Variants in GXYLT2 observed in about 807,000 individuals in gnomAD.
GXYLT2 encodes glucoside xylosyltransferase 2.
In GXYLT2, 53 loss-of-function variants were observed where a neutral mutation model predicts 45.8. The observed-to-expected ratio is 1.16, with a 90% confidence interval of 0.93 to 1.46. The LOEUF is 1.46. Ranked by LOEUF, GXYLT2 falls within the 40% of genes most tolerant of loss-of-function variation. The pLI is 0.00. For synonymous variants in GXYLT2, 219 were observed against 214.2 expected, an observed-to-expected ratio of 1.02 and a Z score of -0.19; for missense variants, 551 against 544.4, an observed-to-expected ratio of 1.01 and a Z score of -0.12.
chr3:72,897,028 A>G (rs1709305244), intron 1 of GXYLT2, among the ~76,000 whole-genome samples: 1 of 152,132 alleles, frequency 6.6e-6, no homozygotes, highest in African/African-American at 2.4e-5. Context: ...AGTAATAATG[A>G]TGATGATAAC....
chr3:72,903,117 G>A (rs1451894505), intron 1 of GXYLT2, among the ~76,000 whole-genome samples: 2 of 152,208 alleles, frequency 1.3e-5, no homozygotes, highest in Non-Finnish European at 2.9e-5. Context: ...CACTGAAAAT[G>A]GAATAGCTTT....
intron 1 of GXYLT2, among the ~76,000 whole-genome samples, chr3:72,904,515 A>C (rs1308449213): frequency 6.6e-6 from 1 of 152,170 alleles, no homozygotes; most frequent in Non-Finnish European, 1.5e-5. Context: ...ACCTGTCACC[A>C]GACACTGTGA....
chr3:72,955,224 G>T lies in GXYLT2; in HGVS notation c.727G>T (p.Glu243Ter), dbSNP rs766618041. 8 of 1,614,048 alleles carry T rather than the reference G, an allele frequency of 5.0e-6. No individual in the cohort carries two copies. Among genetic ancestry groups the T allele is most frequent in the Non-Finnish European group, 6.8e-6 (8 of 1,179,898 alleles). ...NSTQLAAMAP[E>*]HEIPKIGWYS... is the part of the protein sequence containing the mutation. ...CACCCAGCTTGCAGCCATGGCCCCT[G>T]AGCACGAAATCCCCAAGATTGGCTG... The change falls in exon 4 of 7, where the codon GAG becomes TAG. Residue 243 changes from glutamate (E) to a stop codon, truncating the protein, a stop_gained. Coordinates refer to ENST00000389617, the MANE Select transcript of GXYLT2 (RefSeq NM_001080393.2). LOFTEE classifies it high-confidence loss of function.
chr3:72,949,806 C>A (rs1710486339), intron 3 of GXYLT2, among the ~76,000 whole-genome samples: 1 of 152,040 alleles, frequency 6.6e-6, no homozygotes. Context: ...AGCCACAGTG[C>A]CCGGCCTCAT....
Position 72,955,100 on chromosome 3 carries a change from G to T in GXYLT2, c.603G>T (p.Val201=). The change falls in exon 4 of 7, where the codon GTG becomes GTT. Residue 201 remains valine (V), a splice_region_variant and synonymous_variant. Coordinates refer to ENST00000389617, the MANE Select transcript of GXYLT2 (RefSeq NM_001080393.2). ...PCAAQRLFLP[V]ILKDVDSLLY... ...ACACCCACTCCTTACACACAAAGGT[G>T]ATTTTAAAGGATGTGGACTCACTTC... is the stretch of plus-strand genomic sequence containing the variant. 1 of 1,613,588 alleles carries T rather than the reference G, an allele frequency of 6.2e-7. No individual in the cohort carries two copies. The highest frequency in any genetic ancestry group is 8.5e-7 in the Non-Finnish European group (1 of 1,179,584).
At chr3:72,949,846 T>G (rs904491144) in intron 3 of GXYLT2, among the ~76,000 whole-genome samples, 2 of 152,096 alleles carry the variant, frequency 1.3e-5, no homozygotes, top group African/African-American at 4.8e-5. Context: ...CCATAGCCAG[T>G]TGCTGGTTAC....
At chr3:72,947,662 G>A (rs1004484339) in intron 3 of GXYLT2, among the ~76,000 whole-genome samples, 7 of 152,238 alleles carry the variant, frequency 4.6e-5, no homozygotes, top group Admixed American at 6.5e-5. Context: ...GTAGCCAAGT[G>A]TGGTGGTGGG....
chr3:72,916,600 C>T (rs905759947), intron 2 of GXYLT2, among the ~76,000 whole-genome samples: 7 of 152,012 alleles, frequency 4.6e-5, no homozygotes, highest in South Asian at 2.1e-4. Flanking sequence ...AGTGTAGTGG[C>T]GTGATCTCCA....
chr3:72,968,858 G>A (rs1040173281), intron 6 of GXYLT2, among the ~76,000 whole-genome samples: 9 of 152,260 alleles, frequency 5.9e-5, no homozygotes, highest in Non-Finnish European at 1.0e-4. Context: ...TCAGGAGATC[G>A]AGACTTTCCT....
chr3:72,962,611 G>C (rs2107149941), intron 5 of GXYLT2, among the ~76,000 whole-genome samples: 1 of 152,292 alleles, frequency 6.6e-6, no homozygotes, highest in South Asian at 2.1e-4. Context: ...ACTAGTTTTT[G>C]AGCACTATGT....
chr3:72,974,173 T>C (rs1010422972), intron 6 of GXYLT2, among the ~76,000 whole-genome samples: 2 of 152,206 alleles, frequency 1.3e-5, no homozygotes, highest in Non-Finnish European at 2.9e-5. Flanking sequence ...AATAAAACTT[T>C]GATACATGTG....
At chr3:72,946,875 G>A (rs1710422012) in intron 3 of GXYLT2, among the ~76,000 whole-genome samples, 1 of 152,072 alleles carries the variant, frequency 6.6e-6, no homozygotes, top group African/African-American at 2.4e-5. Flanking sequence ...CTAGGCCTCT[G>A]TGCAGTGGTG....
At chr3:72,908,308 T>G (rs568412895) in intron 1 of GXYLT2, 59 bp from the exon 2 acceptor site, 1 of 1,297,582 alleles carries the variant, frequency 7.7e-7, no homozygotes, top group African/African-American at 1.5e-5. Context: ...CGCCGGTTTT[T>G]TGTTGTTTTT....
At position 72,929,226 on chromosome 3, in the gene GXYLT2, AGG is replaced by A. The variant is rs1709978603; in HGVS notation, c.600+6892_600+6893del. 6 of 1,568,774 alleles carry A rather than the reference AGG, an allele frequency of 3.8e-6. No homozygotes were observed. In the East Asian group the frequency reaches 1.3e-4, roughly 35 times the overall value. On this transcript the variant is annotated intron_variant, in intron 3 of 6. Coordinates refer to ENST00000389617, the MANE Select transcript of GXYLT2 (RefSeq NM_001080393.2). ...AAATACTTTCTTCACCAATCTCATGAGGAGAGGGAACATGCCGAGAAACTGAT... is the reference window on the plus strand; with the variant it reads ...AAATACTTTCTTCACCAATCTCATGAAGAGGGAACATGCCGAGAAACTGAT...
At position 72,955,339 on chromosome 3, in the gene GXYLT2, C is replaced by T. The variant is rs751611796; in HGVS notation, c.842C>T (p.Thr281Ile). Residue 281 changes from threonine (T) to isoleucine (I), a missense_variant, in exon 4 of 7, where the codon ACC becomes ATC. By Grantham distance (89) the Thr-to-Ile change is moderately conservative. Transcript: ENST00000389617. ...MLMNLTRIRS[T>I]QFKNSMIPTG... The stretch of plus-strand genomic sequence containing the variant: ...ATGAATTTAACTCGGATAAGAAGTA[C>T]CCAGTTCAAGGTAAACGAGTGCTTT... 9 of 1,613,656 alleles carry T rather than the reference C, an allele frequency of 5.6e-6. No homozygotes were observed. The Admixed American group carries it at 1.3e-4, about 24-fold the overall frequency.
At chr3:72,939,477 A>G (rs746608497) in intron 3 of GXYLT2, among the ~76,000 whole-genome samples, 74 of 152,132 alleles carry the variant, frequency 4.9e-4, no homozygotes, top group Non-Finnish European at 7.3e-5. Flanking sequence ...GAAGCATTAT[A>G]TAGCAACATT....
intron 1 of GXYLT2, among the ~76,000 whole-genome samples, chr3:72,902,214 T>G (rs1709422581): frequency 6.6e-6 from 1 of 152,210 alleles, no homozygotes; most frequent in Admixed American, 6.5e-5. Context: ...AAGGAACTTC[T>G]GGGTCATATG....
chr3:72,920,794 A>G (rs1362562362), intron 2 of GXYLT2, among the ~76,000 whole-genome samples: 1 of 148,194 alleles, frequency 6.7e-6, no homozygotes, highest in East Asian at 1.9e-4. Flanking sequence ...TATAAAATGT[A>G]CATGCATATA....
intron 2 of GXYLT2, among the ~76,000 whole-genome samples, chr3:72,919,847 A>G (rs1559734463): frequency 1.3e-5 from 2 of 152,250 alleles, no homozygotes; most frequent in Admixed American, 1.3e-4. Flanking sequence ...TGTTCTGTAT[A>G]CTGTAATGAT....
Sources: allele counts gnomAD v4.1 joint callset (sites outside exome capture counted in the v4.1 genomes callset), GRCh38; gene constraint gnomAD v4.1.1; transcripts MANE v1.5; gene names NCBI Gene and HGNC (gene_info 2026-07-23, HGNC 2026-07-21).